KLRD1: variants seen among roughly 807,000 people sequenced by gnomAD.
The protein encoded by KLRD1 is killer cell lectin like receptor D1, also known as natural killer cells antigen CD94.
A neutral mutation model predicts 22.6 loss-of-function variants in KLRD1; 21 were observed. The ratio of observed to expected loss-of-function variants is 0.93; its 90% confidence interval spans 0.66 to 1.34. The LOEUF (loss-of-function observed/expected upper bound fraction) is 1.34. KLRD1 is among the 40% of genes most tolerant of loss of function. KLRD1 has a pLI of 0.00. For synonymous variants in KLRD1, 59 were observed against 71.1 expected (o/e 0.83, Z 0.85); for missense variants, 183 against 208.6 (o/e 0.88, Z 0.76).
rs60673819 is a variant in KLRD1, at chr12:10,324,843, T to TATATATATATATATATATATATATA, written c.*10050_*10051insATATATATATATATATATATATATA. 12 of 141,860 alleles carry TATATATATATATATATATATATATA rather than the reference T, an allele frequency of 8.5e-5. No individual in the cohort carries two copies. The highest frequency in any genetic ancestry group is 4.5e-4 in the South Asian group (2 of 4,486). The allele number at this position is 141,860 out of a possible 1,614,324, so 8.8% of individuals were successfully genotyped here. ...GTATATATATATATATATATATATA[T>TATATATATATATATATATATATATA]TCATTTACACAGTTGATTCTAAGTG... On this transcript the variant is annotated 3_prime_UTR_variant, in exon 6 of 6. Coordinates refer to ENST00000336164, the MANE Select transcript of KLRD1 (RefSeq NM_002262.5).
At position 10,324,695 on chromosome 12, in the gene KLRD1, T is replaced by G. The variant is rs919568765; in HGVS notation, c.*9902T>G. On this transcript the variant is annotated 3_prime_UTR_variant, in exon 6 of 6. Transcript: ENST00000336164. ...TTTTGTAGTTTTTAATATTCAGGCC[T>G]TTTATGTTTTTATGAGATTTCCCCA... The G allele has an allele frequency of 6.6e-6, 1 of 151,226 alleles. No individual in the cohort carries two copies. The highest frequency in any genetic ancestry group is 1.5e-5 in the Non-Finnish European group (1 of 67,788). The allele number at this position is 151,226 out of a possible 1,614,324, so 9.4% of individuals were successfully genotyped here.
rs565288751 is a variant in KLRD1 at position 10,251,678 on chromosome 12, T to A, written c.-101+25445T>A. 2.1e-3 allele frequency among the ~76,000 whole-genome samples: 323 copies of A among 152,002 alleles called. 1 individual carries two copies. Among genetic ancestry groups the A allele is most frequent in the Non-Finnish European group, 4.0e-3 (273 of 67,980 alleles). On this transcript the variant is annotated intron_variant, in intron 1 of 5. Transcript: ENST00000544747. ...AGAATCAGTGGGAGCCCTGAGCTTA[T>A]TTTTGTGCAACTAGATAGTCCCATC...
At chr12:10,252,148 G>T (rs1416876616) in intron 1 of KLRD1, among the ~76,000 whole-genome samples, 1 of 152,118 alleles carries the variant, frequency 6.6e-6, no homozygotes, top group Non-Finnish European at 1.5e-5. Flanking sequence ...TCATTGAAAA[G>T]ACACTAGGCC....
intron 1 of KLRD1, among the ~76,000 whole-genome samples, chr12:10,286,733 T>G (rs1388044886): frequency 8.0e-6 from 1 of 124,266 alleles, no homozygotes; most frequent in Non-Finnish European, 1.6e-5. Context: ...GGTCCCAAAC[T>G]CCTGAGATCA....
intron 5 of KLRD1, among the ~76,000 whole-genome samples, chr12:10,314,454 A>T (rs1950174840): frequency 6.6e-6 from 1 of 152,202 alleles, no homozygotes; most frequent in African/African-American, 2.4e-5. Flanking sequence ...GCAAGGAAAA[A>T]ATCCCTGGCC....
At chr12:10,240,589 G>A (rs1949232291) in intron 1 of KLRD1, among the ~76,000 whole-genome samples, 1 of 152,070 alleles carries the variant, frequency 6.6e-6, no homozygotes. Context: ...ACTACCATGT[G>A]CCCATCACCC....
rs549719411 is a variant in KLRD1, at chr12:10,310,490, A to G, written c.163+802A>G. ...GTTGTCTCACCATCATCTTGATTAT[A>G]TAGTGTTTATTTACAGTGCAACATC... On this transcript the variant is annotated intron_variant, in intron 3 of 5. Transcript: ENST00000336164. Among the ~76,000 whole-genome samples the G allele has an allele frequency of 2.0e-5, 3 of 152,292 alleles. No homozygotes were observed. In the South Asian group the frequency reaches 6.2e-4, roughly 32 times the overall value.
At chr12:10,290,672 A>G (rs138702228) in intron 1 of KLRD1, among the ~76,000 whole-genome samples, 1 of 152,348 alleles carries the variant, frequency 6.6e-6, no homozygotes, top group Admixed American at 6.5e-5. Context: ...TATTAAAATG[A>G]AAATTGGTAA....
chr12:10,263,194 C>T (rs2137633385), intron 1 of KLRD1, among the ~76,000 whole-genome samples: 1 of 152,092 alleles, frequency 6.6e-6, no homozygotes, highest in Non-Finnish European at 1.5e-5. Context: ...CCAGTATTTT[C>T]CACAAATTGC....
At chr12:10,307,087 T>C (rs371133725), upstream of KLRD1, among the ~76,000 whole-genome samples, 4 of 152,336 alleles carry the variant, frequency 2.6e-5, no homozygotes, top group Admixed American at 6.5e-5. Flanking sequence ...CTCTTCCACA[T>C]TGGAAATTTG....
chr12:10,329,554 T>C lies in KLRD1; in HGVS notation c.*14761T>C, dbSNP rs939337893. On this transcript the variant is annotated 3_prime_UTR_variant, in exon 6 of 6. Transcript: ENST00000336164. The stretch of plus-strand genomic sequence containing the variant: ...GTTGATCAGGTCATCTGGGTCTTTG[T>C]TGCCTTTATGTTTGGTTGTTCTATC... 6.6e-6 allele frequency: 1 copy of C among 152,206 alleles called. No individual in the cohort carries two copies. The highest frequency in any genetic ancestry group is 1.5e-5 in the Non-Finnish European group (1 of 68,048). The allele number at this position is 152,206 out of a possible 1,614,324, so 9.4% of individuals were successfully genotyped here. A position where few individuals can be genotyped will look rare whatever the true frequency, so the allele number is the denominator to read the frequency against.
chr12:10,265,410 T>C (rs1415163216), intron 1 of KLRD1, among the ~76,000 whole-genome samples: 1 of 152,242 alleles, frequency 6.6e-6, no homozygotes, highest in Non-Finnish European at 1.5e-5. Flanking sequence ...TTTCAACATA[T>C]ATATCTGGGC....
At chr12:10,270,978 T>C (rs561548183) in intron 1 of KLRD1, among the ~76,000 whole-genome samples, 2 of 152,226 alleles carry the variant, frequency 1.3e-5, no homozygotes, top group Non-Finnish European at 2.9e-5. Context: ...GAGACGAGGT[T>C]TCACCATGTT....
At position 10,327,480 on chromosome 12, in the gene KLRD1, G is replaced by A. The variant is rs1950371372; in HGVS notation, c.*12687G>A. On this transcript the variant is annotated 3_prime_UTR_variant, in exon 6 of 6. Transcript: ENST00000336164. ...GCACTAAATCTGCAGATCACATTGT[G>A]AAATACAAATATTTTAACTATATGA... is the stretch of plus-strand genomic sequence containing the variant. The A allele has an allele frequency of 6.6e-6, 1 of 152,128 alleles. No homozygotes were observed. Among genetic ancestry groups the A allele is most frequent in the Non-Finnish European group, 1.5e-5 (1 of 68,018 alleles). The allele number at this position is 152,128 out of a possible 1,614,324, so 9.4% of individuals were successfully genotyped here. A position where few individuals can be genotyped will look rare whatever the true frequency, so the allele number is the denominator to read the frequency against.
intron 1 of KLRD1, among the ~76,000 whole-genome samples, chr12:10,245,024 T>G (rs1949278051): frequency 6.6e-6 from 1 of 152,162 alleles, no homozygotes; most frequent in African/African-American, 2.4e-5. Flanking sequence ...TGTTACTATG[T>G]ACATTTTACA....
In KLRD1 at chr12:10,315,741, G is replaced by C. The variant is rs1187559507; in HGVS notation, c.*948G>C. Reference sequence around the variant, plus strand: ...TCTTCTGTTTTGATTTTAACACTTAGAGTGGTTTTCTCTGTTATGAATCAA... The same window carrying C: ...TCTTCTGTTTTGATTTTAACACTTACAGTGGTTTTCTCTGTTATGAATCAA... On this transcript the variant is annotated 3_prime_UTR_variant, in exon 6 of 6. Transcript: ENST00000336164. 6.6e-6 allele frequency: 1 copy of C among 152,036 alleles called. No homozygotes were observed. The highest frequency in any genetic ancestry group is 2.4e-5 in the African/African-American group (1 of 41,332). 9.4% of individuals were successfully genotyped at this position (152,036 alleles called of 1,614,324 possible).
At chr12:10,308,894 C>G (rs964639969) in intron 1 of KLRD1, 5 of 154,712 alleles carry the variant, frequency 3.2e-5, no homozygotes, top group Non-Finnish European at 7.2e-5. Flanking sequence ...GCTAGACACA[C>G]TTTCATGTGA....
intron 1 of KLRD1, among the ~76,000 whole-genome samples, chr12:10,247,047 C>G (rs918511548): frequency 6.6e-6 from 1 of 151,412 alleles, no homozygotes; most frequent in Non-Finnish European, 1.5e-5. Context: ...ATTCTCCTGC[C>G]TTAGCCTCTC....
At chr12:10,271,821 AT>A (rs1233395333) in intron 1 of KLRD1, among the ~76,000 whole-genome samples, 6 of 144,580 alleles carry the variant, frequency 4.1e-5, no homozygotes, top group Admixed American at 6.7e-5. Context: ...AATTGGCTCC[AT>A]TTTTTTTTGC....
Sources: gnomAD v4.1 joint callset for allele counts (sites outside exome capture counted in the v4.1 genomes callset) on GRCh38, gnomAD v4.1.1 for gene constraint, MANE v1.5 for transcripts, NCBI Gene and HGNC (gene_info 2026-07-23, HGNC 2026-07-21) for gene names.